Variants in VWA8 observed in about 807,000 individuals in gnomAD.
VWA8 encodes the protein von Willebrand factor A domain containing 8.
A neutral mutation model predicts 241.5 loss-of-function variants in VWA8; 221 were observed. That is an observed-to-expected ratio of 0.91 (90% confidence interval 0.82 to 1.02). VWA8 has a LOEUF of 1.02. VWA8 is among the 50% of genes least tolerant of loss of function. VWA8 has a pLI of 0.00. For missense variants in VWA8, 2,322 were observed against 2,328.7 expected (o/e 1.00, Z 0.06); for synonymous variants, 852 against 827.1 (o/e 1.03, Z -0.52).
chr13:41,760,141 G>T (rs2045729114), intron 21 of VWA8, among the ~76,000 whole-genome samples: 1 of 151,712 alleles, frequency 6.6e-6, no homozygotes, highest in African/African-American at 2.4e-5. Flanking sequence ...TCTGGTAGTT[G>T]TTCAGCTCAA....
At chr13:41,836,923 T>C (rs1299577468) in intron 12 of VWA8, among the ~76,000 whole-genome samples, 2 of 152,186 alleles carry the variant, frequency 1.3e-5, no homozygotes, top group East Asian at 3.9e-4. Flanking sequence ...TGGGAAATAC[T>C]TGATATTTCT....
At chr13:41,590,058 C>G (rs2044444438) in intron 41 of VWA8, among the ~76,000 whole-genome samples, 1 of 151,120 alleles carries the variant, frequency 6.6e-6, no homozygotes, top group Admixed American at 6.6e-5. Flanking sequence ...GGAAGTTTTC[C>G]CTTGGCCCCT....
At position 41,719,607 on chromosome 13, in the gene VWA8, C is replaced by T; in HGVS notation, c.3100G>A (p.Val1034Met). ...GIPIGAKPTS[V>M]QLAKELTLPE... ...TTGCCTTACTCCTTTGCCAGCTGCACACTGGTAGGCTTTGCTCCGATAGGT... is the reference window on the plus strand; with the variant it reads ...TTGCCTTACTCCTTTGCCAGCTGCATACTGGTAGGCTTTGCTCCGATAGGT... Residue 1034 changes from valine (V) to methionine (M), a missense_variant, in exon 26 of 45, where the codon GTG becomes ATG. Coordinates refer to ENST00000379310, the MANE Select transcript of VWA8 (RefSeq NM_015058.2). The T allele has an allele frequency of 6.2e-7, 1 of 1,612,976 alleles. No homozygotes were observed. The highest frequency in any genetic ancestry group is 8.5e-7 in the Non-Finnish European group (1 of 1,179,254).
chr13:41,744,090 G>A (rs2045586954), intron 21 of VWA8, among the ~76,000 whole-genome samples: 1 of 152,204 alleles, frequency 6.6e-6, no homozygotes. Flanking sequence ...GGGTGAAAAA[G>A]GCTGGCACTC....
At chr13:41,907,781 T>G in intron 3 of VWA8, 85 bp from the exon 4 acceptor site, 1 of 1,180,984 alleles carries the variant, frequency 8.5e-7, no homozygotes, top group East Asian at 2.4e-5. Context: ...ACAATGCCAT[T>G]GCCCATGAGA....
At chr13:41,758,409 T>TTCC (rs1463676878) in intron 21 of VWA8, among the ~76,000 whole-genome samples, 1 of 81,464 alleles carries the variant, frequency 1.2e-5, no homozygotes, top group Non-Finnish European at 2.8e-5. Flanking sequence ...TATATATATA[T>TTCC]ATATATATAT....
chr13:41,572,207 C>T (rs932862501), intron 43 of VWA8, among the ~76,000 whole-genome samples: 8 of 151,358 alleles, frequency 5.3e-5, no homozygotes, highest in Admixed American at 2.0e-4. Flanking sequence ...CCAGCCGCCC[C>T]GTCTGGGAGG....
chr13:41,648,845 A>G (rs997007742), intron 37 of VWA8, among the ~76,000 whole-genome samples: 1 of 152,256 alleles, frequency 6.6e-6, no homozygotes, highest in Non-Finnish European at 1.5e-5. Flanking sequence ...TTTAAGAGAT[A>G]GTTTAAAATA....
chr13:41,782,622 G>A (rs1245201944), intron 19 of VWA8, among the ~76,000 whole-genome samples: 1 of 151,960 alleles, frequency 6.6e-6, no homozygotes, highest in Non-Finnish European at 1.5e-5. Flanking sequence ...TCAAGGTTAT[G>A]CTCTTTTCTA....
intron 29 of VWA8, among the ~76,000 whole-genome samples, chr13:41,697,105 T>C (rs1290208636): frequency 6.6e-6 from 1 of 152,240 alleles, no homozygotes; most frequent in Admixed American, 6.5e-5. Context: ...TTCCCCATCT[T>C]AGTCACTGGC....
chr13:41,912,162 T>G lies in VWA8; in HGVS notation c.248A>C (p.Asp83Ala), dbSNP rs1376548842. Residue 83 changes from aspartate (D) to alanine (A), a missense_variant, in exon 3 of 45, where the codon GAC (aspartate) becomes GCC (alanine). Asp to Ala is a moderately radical substitution (Grantham distance 126). Coordinates refer to ENST00000379310, the MANE Select transcript of VWA8 (RefSeq NM_015058.2). Reference protein sequence around the residue: ...PELVPQNYISDSLAQSVVQHL... With the variant: ...PELVPQNYISASLAQSVVQHL... The stretch of plus-strand genomic sequence containing the variant: ...CTGAACTACAGATTGAGCCAGAGAG[T>G]CTGAAACTATAAAGAAAAAAGAGAA... 2 of 1,585,682 alleles carry G rather than the reference T, an allele frequency of 1.3e-6. No individual in the cohort carries two copies. Among genetic ancestry groups the G allele is most frequent in the Non-Finnish European group, 1.7e-6 (2 of 1,166,134 alleles).
chr13:41,883,585 A>G, intron 8 of VWA8, 94 bp from the exon 9 acceptor site: 1 of 883,470 alleles, frequency 1.1e-6, no homozygotes, highest in South Asian at 1.5e-5. Flanking sequence ...ATTGACTTAT[A>G]AAAGTAACCA....
intron 21 of VWA8, among the ~76,000 whole-genome samples, chr13:41,741,410 T>C (rs1393481363): frequency 6.6e-6 from 1 of 152,246 alleles, no homozygotes; most frequent in African/African-American, 2.4e-5. Flanking sequence ...TAAATGGTTA[T>C]GGCCCATTCC....
At position 41,887,185 on chromosome 13, in the gene VWA8, G is replaced by C; in HGVS notation, c.816+12C>G. 6.3e-7 allele frequency: 1 copy of C among 1,599,116 alleles called. No homozygotes were observed. The highest frequency in any genetic ancestry group is 8.5e-7 in the Non-Finnish European group (1 of 1,176,430). On this transcript the variant is annotated intron_variant, in intron 6 of 44. Transcript: ENST00000379310. ...ACTGTTTAACAAATAAATTATCCTTGGTCTTACTTACCTTGAAGGGTAAAT... is the reference window on the plus strand; with the variant it reads ...ACTGTTTAACAAATAAATTATCCTTCGTCTTACTTACCTTGAAGGGTAAAT...
chr13:41,638,583 CTAAA>C (rs995409009), intron 37 of VWA8, among the ~76,000 whole-genome samples: 4 of 151,806 alleles, frequency 2.6e-5, no homozygotes, highest in Non-Finnish European at 5.9e-5. Flanking sequence ...CAACTCAGGG[CTAAA>C]TAAGATGATG....
chr13:41,807,896 C>T (rs1389905371), intron 17 of VWA8: 1 of 152,186 alleles, frequency 6.6e-6, no homozygotes, highest in African/African-American at 2.4e-5. Flanking sequence ...GTCAAAACTC[C>T]TGTGTCGATC....
chr13:41,671,241 G>A, intron 36 of VWA8, 94 bp from the exon 37 acceptor site: 1 of 1,350,046 alleles, frequency 7.4e-7, no homozygotes. Context: ...TGTTGAAAAA[G>A]TATGCTCACA....
intron 21 of VWA8, among the ~76,000 whole-genome samples, chr13:41,759,546 A>G (rs2045724838): frequency 6.6e-6 from 1 of 151,454 alleles, no homozygotes; most frequent in South Asian, 2.1e-4. Context: ...TGAGACTACA[A>G]TTGTGTGTAT....
At chr13:41,733,062 C>T (rs1156990526) in intron 21 of VWA8, among the ~76,000 whole-genome samples, 1 of 152,126 alleles carries the variant, frequency 6.6e-6, no homozygotes, top group Non-Finnish European at 1.5e-5. Flanking sequence ...AAGTAAAGCA[C>T]AAAGTTGCAA....
Sources: gnomAD v4.1 joint callset for allele counts (sites outside exome capture counted in the v4.1 genomes callset) on GRCh38, gnomAD v4.1.1 for gene constraint, MANE v1.5 for transcripts, NCBI Gene and HGNC (gene_info 2026-07-23, HGNC 2026-07-21) for gene names.